Variants in RIMBP2 observed in about 807,000 individuals in gnomAD.
RIMBP2 encodes the protein RIMS-binding protein 2.
Under a neutral mutation model 118.6 loss-of-function variants are expected in RIMBP2, and 48 were observed. That is an observed-to-expected ratio of 0.40 (90% CI 0.32 to 0.51). The LOEUF (loss-of-function observed/expected upper bound fraction) is 0.51. Among genes scored for constraint, RIMBP2 ranks in the 20% least tolerant of loss-of-function variants. The pLI, the probability that RIMBP2 is intolerant of heterozygous loss-of-function variation, is 0.41. For synonymous variants in RIMBP2, 762 were observed against 742.9 expected (o/e 1.03, Z -0.42); for missense variants, 1,551 against 1,768.3 (o/e 0.88, Z 2.20).
At chr12:130,440,298 G>C (rs1695791000) in intron 11 of RIMBP2, among the ~76,000 whole-genome samples, 1 of 152,118 alleles carries the variant, frequency 6.6e-6, no homozygotes, top group South Asian at 2.1e-4. Flanking sequence ...CCAAGACCAT[G>C]GGGGGATGAT....
intron 1 of RIMBP2, among the ~76,000 whole-genome samples, chr12:130,655,085 C>A (rs2063368473): frequency 6.6e-6 from 1 of 152,168 alleles, no homozygotes; most frequent in African/African-American, 2.4e-5. Flanking sequence ...CAAACCATAT[C>A]AACATAACCC....
At chr12:130,699,645 G>T (rs2065751934) in intron 1 of RIMBP2, among the ~76,000 whole-genome samples, 1 of 151,542 alleles carries the variant, frequency 6.6e-6, no homozygotes, top group East Asian at 1.9e-4. Context: ...GAGTTAATGG[G>T]TGCAGCACAC....
At chr12:130,539,238 GTATTA>G (rs1367322714) in intron 2 of RIMBP2, among the ~76,000 whole-genome samples, 1 of 151,986 alleles carries the variant, frequency 6.6e-6, no homozygotes, top group Non-Finnish European at 1.5e-5. Flanking sequence ...CTACATACAT[GTATTA>G]TATAACAGTG....
rs141893217 is a variant in RIMBP2 at position 130,434,766 on chromosome 12, C to T, written c.2221G>A (p.Asp741Asn). The T allele has an allele frequency of 2.1e-5, 34 of 1,613,626 alleles. No homozygotes were observed. In the Middle Eastern group the frequency reaches 1.5e-3, roughly 71 times the overall value. Residue 741 changes from aspartate (D) to asparagine (N), a missense_variant, in exon 14 of 23, where the codon GAC (aspartate) becomes AAC (asparagine). Physicochemically the swap from Asp to Asn is conservative, Grantham distance 23 (BLOSUM62 1). This residue lies in a region of RIMBP2 where 1,038 missense variants were observed against 1,125.1 expected (regional missense o/e 0.92). Coordinates refer to ENST00000690449, the MANE Select transcript of RIMBP2 (RefSeq NM_001393629.1). The surrounding 1 kb of genome is among the most constrained non-coding windows in gnomAD (Gnocchi z 5.7). ...DFKRRGASVD[D>N]FLKGSELGKQ... ...CCAAGTTCAGAGCCTTTCAGGAAGT[C>T]GTCCACCGAGGCGCCCCTCCTCTTG...
At chr12:130,562,498 A>G (rs1450263688) in intron 2 of RIMBP2, among the ~76,000 whole-genome samples, 3 of 152,220 alleles carry the variant, frequency 2.0e-5, no homozygotes, top group African/African-American at 7.2e-5. Context: ...AGGACCAGTC[A>G]CCTTTGCTTG....
intron 1 of RIMBP2, among the ~76,000 whole-genome samples, chr12:130,664,443 A>ACACACACACG (rs1555320922): frequency 9.3e-5 from 6 of 64,672 alleles, no homozygotes; most frequent in East Asian, 3.7e-4. Context: ...ATGCACGCAC[A>ACACACACACG]CACGCACACA....
At chr12:130,607,065 C>A (rs1043850141) in intron 2 of RIMBP2, among the ~76,000 whole-genome samples, 2 of 152,084 alleles carry the variant, frequency 1.3e-5, no homozygotes, top group South Asian at 4.2e-4. Flanking sequence ...CTCCTGACCT[C>A]GTGATCTACC....
intron 1 of RIMBP2, among the ~76,000 whole-genome samples, chr12:130,673,154 A>G (rs2064277637): frequency 6.6e-6 from 1 of 152,212 alleles, no homozygotes; most frequent in Non-Finnish European, 1.5e-5. Context: ...TTGTTAGAAC[A>G]TCCACACATC....
rs779559765 is a variant in RIMBP2, at chr12:130,442,005, G to A, written c.1347C>T (p.Val449=). 4.5e-5 allele frequency: 72 copies of A among 1,614,064 alleles called. No individual in the cohort carries two copies. The South Asian group carries it at 7.9e-4, about 18-fold the overall frequency. The change falls in exon 11 of 23, where the codon GTC becomes GTT. Residue 449 remains valine (V), a synonymous_variant. Transcript: ENST00000690449. The surrounding 1 kb of genome is among the most constrained non-coding windows in gnomAD (Gnocchi z 6.9). ...IFLNEEEFDI[V]KAARYKYQFF... Reference sequence around the variant, plus strand: ...ACTGGTACTTGTACCTGGCGGCCTTGACGATGTCGAACTCCTCCTCGTTGA... The same window carrying A: ...ACTGGTACTTGTACCTGGCGGCCTTAACGATGTCGAACTCCTCCTCGTTGA...
chr12:130,442,608 A>C lies in RIMBP2; in HGVS notation c.744T>G (p.Phe248Leu). ...RGLVPSNFVD[F>L]VQDNESRLAS... ...CCAACCGCGACTCGTTGTCCTGCAC[A>C]AAGTCCACGAAGTTGGAGGGCACCA... is the stretch of plus-strand genomic sequence containing the variant. The change falls in exon 11 of 23, where the codon TTT becomes TTG. Residue 248 changes from phenylalanine to leucine, a missense_variant. Around this residue, in one of 5 missense-constraint regions of RIMBP2, gnomAD observed 265 missense variants for 349.5 expected, o/e 0.76. Coordinates refer to ENST00000690449, the MANE Select transcript of RIMBP2 (RefSeq NM_001393629.1). The surrounding 1 kb of genome is among the most constrained non-coding windows in gnomAD (Gnocchi z 6.9). 2.5e-6 allele frequency: 4 copies of C among 1,614,202 alleles called. No homozygotes were observed. The highest frequency in any genetic ancestry group is 3.4e-6 in the Non-Finnish European group (4 of 1,180,034).
intron 11 of RIMBP2, 102 bp downstream of exon 11, chr12:130,441,746 T>C: frequency 9.9e-7 from 1 of 1,007,906 alleles, no homozygotes; most frequent in Non-Finnish European, 1.5e-6. Flanking sequence ...GTTGTCAGGA[T>C]GGGGATTCCT....
chr12:130,552,273 C>T (rs764628462), intron 2 of RIMBP2, among the ~76,000 whole-genome samples: 3 of 152,134 alleles, frequency 2.0e-5, no homozygotes, highest in Non-Finnish European at 4.4e-5. Flanking sequence ...TGTATACAGG[C>T]TCAGTCAAAA....
At chr12:130,416,411 A>G (rs900882733) in intron 17 of RIMBP2, among the ~76,000 whole-genome samples, 3 of 152,210 alleles carry the variant, frequency 2.0e-5, no homozygotes, top group Non-Finnish European at 2.9e-5. Context: ...AGAACCAGAA[A>G]TAAAACCACA....
At chr12:130,445,563 TCTG>T (rs1389824894) in intron 9 of RIMBP2, among the ~76,000 whole-genome samples, 2 of 152,224 alleles carry the variant, frequency 1.3e-5, no homozygotes, top group Non-Finnish European at 2.9e-5. Context: ...ACTTATCTCT[TCTG>T]CTGTAACTAT....
intron 3 of RIMBP2, among the ~76,000 whole-genome samples, chr12:130,509,728 C>G (rs985183217): frequency 2.0e-5 from 3 of 149,970 alleles, no homozygotes. Flanking sequence ...TGCCCTCTGC[C>G]CCCCCGCCCC....
At chr12:130,705,252 CA>C (rs765257886) in intron 1 of RIMBP2, among the ~76,000 whole-genome samples, 9 of 152,168 alleles carry the variant, frequency 5.9e-5, no homozygotes, top group Non-Finnish European at 1.3e-4. Flanking sequence ...CCAGGAGAAC[CA>C]ATGAGATGTT....
At chr12:130,547,313 T>C (rs1287681761) in intron 2 of RIMBP2, among the ~76,000 whole-genome samples, 2 of 152,252 alleles carry the variant, frequency 1.3e-5, no homozygotes, top group African/African-American at 4.8e-5. Flanking sequence ...GTTGGTTTCC[T>C]GTCCCAAATA....
At position 130,431,442 on chromosome 12, in the gene RIMBP2, C is replaced by T. The variant is rs753739245; in HGVS notation, c.2254-3105G>A. The T allele has an allele frequency of 1.0e-4, 42 of 411,400 alleles. No individual in the cohort carries two copies. Among genetic ancestry groups the T allele is most frequent in the Non-Finnish European group, 1.3e-4 (25 of 199,418 alleles). 25.5% of individuals were successfully genotyped at this position (411,400 alleles called of 1,614,324 possible). A position where few individuals can be genotyped will look rare whatever the true frequency, so the allele number is the denominator to read the frequency against. The stretch of plus-strand genomic sequence containing the variant: ...TGTCATGATGCGTCACCTAGCCAGA[C>T]GCCATCTGTATGATTAATGAATGTA... On this transcript the variant is annotated intron_variant, in intron 14 of 22. Transcript: ENST00000690449. The surrounding 1 kb of genome is among the most constrained non-coding windows in gnomAD (Gnocchi z 4.0).
chr12:130,663,254 A>C (rs905856521), intron 1 of RIMBP2, among the ~76,000 whole-genome samples: 1 of 152,148 alleles, frequency 6.6e-6, no homozygotes, highest in Non-Finnish European at 1.5e-5. Context: ...AGTTGCTGTC[A>C]ACCATCCTAA....
Sources: gnomAD v4.1 joint callset for allele counts (sites outside exome capture counted in the v4.1 genomes callset) on GRCh38, gnomAD v4.1.1 for gene constraint, gnomAD v4.1.1 regional missense constraint, Gnocchi (gnomAD v3.1) non-coding constraint, MANE v1.5 for transcripts, NCBI Gene and HGNC (gene_info 2026-07-23, HGNC 2026-07-21) for gene names.